Variants in MACROD2 observed in about 807,000 individuals in gnomAD.
MACROD2 encodes the protein ADP-ribose glycohydrolase MACROD2.
A neutral mutation model predicts 70.4 loss-of-function variants in MACROD2; 36 were observed. The observed-to-expected ratio is 0.51, with a 90% CI of 0.39 to 0.68. The LOEUF (loss-of-function observed/expected upper bound fraction) is 0.68. Ranked by LOEUF, MACROD2 falls within the 30% of genes least tolerant of loss-of-function variation. MACROD2 has a pLI of 0.00. For synonymous variants in MACROD2, 172 were observed against 178.8 expected (o/e 0.96, Z 0.30); for missense variants, 496 against 538.4 (o/e 0.92, Z 0.78).
chr20:15,094,261 T>C (rs987512731), intron 5 of MACROD2, among the ~76,000 whole-genome samples: 15 of 152,186 alleles, frequency 9.9e-5, no homozygotes, highest in African/African-American at 3.6e-4. Context: ...GATGTACTTA[T>C]TTGCTCACTT....
intron 8 of MACROD2, among the ~76,000 whole-genome samples, chr20:15,669,512 C>T (rs1447952436): frequency 6.6e-6 from 1 of 152,190 alleles, no homozygotes; most frequent in Non-Finnish European, 1.5e-5. Flanking sequence ...TCACTCCCCC[C>T]AACTCCTGCT....
chr20:15,907,492 GT>G (rs1371229326), intron 10 of MACROD2, among the ~76,000 whole-genome samples: 2 of 152,352 alleles, frequency 1.3e-5, no homozygotes, highest in African/African-American at 4.8e-5. Flanking sequence ...CAATCCTGTT[GT>G]CAAATTTTGC....
intron 3 of MACROD2, among the ~76,000 whole-genome samples, chr20:14,178,904 C>T (rs1256986648): frequency 6.6e-6 from 1 of 151,908 alleles, no homozygotes; most frequent in Non-Finnish European, 1.5e-5. Context: ...TTCCAAACTC[C>T]AAGAGTATAA....
chr20:14,177,331 TGCTTTTGTTGCCCAG>T (rs1441066098), intron 3 of MACROD2, among the ~76,000 whole-genome samples: 4 of 151,086 alleles, frequency 2.6e-5, no homozygotes, highest in African/African-American at 4.9e-5. Flanking sequence ...GAAGGAGTTT[TGCTTTTGTTGCCCAG>T]GCTTTTGTTG....
At chr20:15,371,977 A>G (rs1236974129) in intron 6 of MACROD2, among the ~76,000 whole-genome samples, 5 of 152,222 alleles carry the variant, frequency 3.3e-5, no homozygotes, top group African/African-American at 4.8e-5. Context: ...GAAAATTTTC[A>G]TAAATATTTT....
intron 5 of MACROD2, among the ~76,000 whole-genome samples, chr20:15,218,739 T>A (rs1010619037): frequency 1.5e-4 from 23 of 152,118 alleles, no homozygotes; most frequent in Non-Finnish European, 8.8e-5. Context: ...TTACTCCGGA[T>A]TTTGAAGATT....
rs1568838596 is a variant in MACROD2 at position 14,861,995 on chromosome 20, A to ATATATATATTTATATATATATATT, written c.418+177056_418+177079dup. ...TATATAAATATATATATATATATTT[A>ATATATATATTTATATATATATATT]TATATATATTTATATATATATATTT... is the stretch of plus-strand genomic sequence containing the variant. On this transcript the variant is annotated intron_variant, in intron 5 of 17. Transcript: ENST00000684519. Among the ~76,000 whole-genome samples the ATATATATATTTATATATATATATT allele has an allele frequency of 2.8e-3, 79 of 28,544 alleles. 5 individuals are homozygous for ATATATATATTTATATATATATATT. Among genetic ancestry groups the ATATATATATTTATATATATATATT allele is most frequent in the Non-Finnish European group, 4.0e-3 (60 of 14,972 alleles). The allele number at this position is 28,544 out of a possible 152,430, so 18.7% of individuals were successfully genotyped here.
intron 2 of MACROD2, among the ~76,000 whole-genome samples, chr20:14,003,994 T>C (rs940447213): frequency 1.3e-5 from 2 of 152,210 alleles, no homozygotes; most frequent in Non-Finnish European, 2.9e-5. Context: ...TCTTCTTCTT[T>C]TTTTTAAATG....
At chr20:15,137,936 G>A (rs1316747520) in intron 5 of MACROD2, among the ~76,000 whole-genome samples, 1 of 152,050 alleles carries the variant, frequency 6.6e-6, no homozygotes, top group East Asian at 1.9e-4. Flanking sequence ...TAGTGTTCCA[G>A]TTATCTAATC....
rs532921428 is a variant in MACROD2, at chr20:14,847,171, A to G, written c.418+162212A>G. 5.3e-5 allele frequency among the ~76,000 whole-genome samples: 8 copies of G among 152,312 alleles called. No homozygotes were observed. In the South Asian group the frequency reaches 1.4e-3, roughly 28 times the overall value. On this transcript the variant is annotated intron_variant, in intron 5 of 17. Transcript: ENST00000684519. ...ACTACTTCTGTAACATTAATTTTTA[A>G]AAGTTAATTCTCATATTCTAATGGG...
At chr20:15,934,984 C>T (rs570549079) in intron 11 of MACROD2, among the ~76,000 whole-genome samples, 1 of 144,176 alleles carries the variant, frequency 6.9e-6, no homozygotes, top group East Asian at 2.1e-4. Flanking sequence ...CCACCACACC[C>T]AGGCCCAAAG....
At position 15,540,890 on chromosome 20, in the gene MACROD2, C is replaced by G. The variant is rs144104075; in HGVS notation, c.645+41043C>G. ...TTCTCCCTGTGTGCACATCTGTATC[C>G]AAATTTCTCCTTTTCTAGAGATGCC... On this transcript the variant is annotated intron_variant, in intron 8 of 17. Transcript: ENST00000684519. 7.2e-4 allele frequency among the ~76,000 whole-genome samples: 109 copies of G among 152,276 alleles called. 1 individual carries two copies. The highest frequency in any genetic ancestry group is 2.5e-3 in the African/African-American group (102 of 41,550).
At chr20:14,883,716 C>T (rs6079594) in intron 5 of MACROD2, among the ~76,000 whole-genome samples, 2 of 152,068 alleles carry the variant, frequency 1.3e-5, no homozygotes, top group Non-Finnish European at 2.9e-5. Flanking sequence ...GATCTGGAGC[C>T]TTATTGATCT....
intron 5 of MACROD2, among the ~76,000 whole-genome samples, chr20:14,876,439 C>A (rs189065347): frequency 1.3e-5 from 2 of 151,970 alleles, no homozygotes; most frequent in East Asian, 3.9e-4. Context: ...CTGTTGATAG[C>A]CTCTTTTGTT....
At chr20:15,810,785 T>G (rs141853611) in intron 8 of MACROD2, among the ~76,000 whole-genome samples, 4,834 of 152,068 alleles carry the variant, frequency 0.032, 154 homozygotes, top group East Asian at 0.1. Context: ...TAATGCCGCA[T>G]ATCTACAACT....
chr20:15,749,794 C>A (rs56404015), intron 8 of MACROD2, among the ~76,000 whole-genome samples: 16,852 of 151,940 alleles, frequency 0.11, 1,068 homozygotes, highest in Admixed American at 0.14. Flanking sequence ...GGAATACTGA[C>A]TATCGAAAGG....
chr20:15,862,012 C>CCGTG lies in MACROD2; in HGVS notation c.646-732_646-729dup, dbSNP rs565823293. Among the ~76,000 whole-genome samples, 76 of 152,282 alleles carry CCGTG rather than the reference C, an allele frequency of 5.0e-4. 1 individual carries two copies. Among genetic ancestry groups the CCGTG allele is most frequent in the African/African-American group, 1.8e-3 (74 of 41,552 alleles). ...ATATATGTGAGCTATTATGTATACTCCGTGTCTCTTCTCCATTTACTATAT... is the reference window on the plus strand; with the variant it reads ...ATATATGTGAGCTATTATGTATACTCCGTGCGTGTCTCTTCTCCATTTACTATAT... On this transcript the variant is annotated intron_variant, in intron 8 of 17. Transcript: ENST00000684519.
At chr20:14,834,061 A>C (rs1233300779) in intron 5 of MACROD2, among the ~76,000 whole-genome samples, 2 of 152,140 alleles carry the variant, frequency 1.3e-5, no homozygotes, top group Non-Finnish European at 2.9e-5. Flanking sequence ...TGTAGAGTTT[A>C]TATAGATAAA....
At chr20:14,282,167 G>A (rs1375374730) in intron 3 of MACROD2, among the ~76,000 whole-genome samples, 1 of 151,998 alleles carries the variant, frequency 6.6e-6, no homozygotes, top group Non-Finnish European at 1.5e-5. Context: ...AATTATATAA[G>A]AAATTCTCGC....
Sources: gnomAD v4.1 joint callset for allele counts (sites outside exome capture counted in the v4.1 genomes callset) on GRCh38, gnomAD v4.1.1 for gene constraint, MANE v1.5 for transcripts, NCBI Gene and HGNC (gene_info 2026-07-23, HGNC 2026-07-21) for gene names.